FAM47E: variants seen among roughly 807,000 people sequenced by gnomAD.
FAM47E encodes the protein protein FAM47E.
FAM47E carries 32 observed loss-of-function variants against 41.6 expected under a neutral mutation model. The observed-to-expected ratio is 0.77, with a 90% CI of 0.58 to 1.03. The LOEUF (loss-of-function observed/expected upper bound fraction) is 1.03. Ranked by LOEUF, FAM47E falls within the 50% of genes least tolerant of loss-of-function variation. The pLI is 0.00. For missense variants in FAM47E, 424 were observed against 485.4 expected, an observed-to-expected ratio of 0.87 and a Z score of 1.19; for synonymous variants, 184 against 188.7, an observed-to-expected ratio of 0.98 and a Z score of 0.20.
At chr4:76,215,696 C>T (rs1733193689) in intron 1 of FAM47E, among the ~76,000 whole-genome samples, 1 of 152,090 alleles carries the variant, frequency 6.6e-6, no homozygotes, top group African/African-American at 2.4e-5. Context: ...CTTGGAGCCT[C>T]AAGTCACCCC....
intron 1 of FAM47E, among the ~76,000 whole-genome samples, chr4:76,254,901 TC>T (rs1734124834): frequency 6.6e-6 from 1 of 152,166 alleles, no homozygotes; most frequent in Non-Finnish European, 1.5e-5. Context: ...CTCTTCCATC[TC>T]ATCTATATGC....
chr4:76,236,857 C>G (rs1014886343), intron 2 of FAM47E, among the ~76,000 whole-genome samples: 1 of 150,788 alleles, frequency 6.6e-6, no homozygotes, highest in African/African-American at 2.4e-5. Context: ...AGGTAGTAGG[C>G]TTCAGAGAGA....
At chr4:76,267,307 C>G (rs1451573236) in intron 3 of FAM47E, among the ~76,000 whole-genome samples, 1 of 152,154 alleles carries the variant, frequency 6.6e-6, no homozygotes, top group East Asian at 1.9e-4. Context: ...GAGGAAGGCA[C>G]ATGTATGTTG....
At chr4:76,250,508 C>T (rs1310085203), upstream of FAM47E, among the ~76,000 whole-genome samples, 3 of 152,088 alleles carry the variant, frequency 2.0e-5, no homozygotes, top group South Asian at 2.1e-4. Context: ...ACTCTGTGGG[C>T]TGTTTACTCT....
At chr4:76,273,924 A>G (rs1734995941) in intron 5 of FAM47E, among the ~76,000 whole-genome samples, 1 of 151,828 alleles carries the variant, frequency 6.6e-6, no homozygotes, top group Non-Finnish European at 1.5e-5. Flanking sequence ...CTCCTATGTT[A>G]TAATTTTTAT....
intron 2 of FAM47E, among the ~76,000 whole-genome samples, chr4:76,228,148 G>C (rs567528992): frequency 6.6e-6 from 1 of 151,920 alleles, no homozygotes; most frequent in East Asian, 1.9e-4. Flanking sequence ...CTCTAAGGAG[G>C]TTCTATTTTT....
intron 2 of FAM47E, among the ~76,000 whole-genome samples, chr4:76,258,368 C>T (rs201754437): frequency 1.3e-5 from 2 of 152,160 alleles, no homozygotes; most frequent in East Asian, 1.9e-4. Flanking sequence ...TTTGGTCGGC[C>T]TTAGGAGTGA....
intron 2 of FAM47E, among the ~76,000 whole-genome samples, chr4:76,262,507 A>T (rs1308567216): frequency 6.6e-6 from 1 of 152,076 alleles, no homozygotes; most frequent in Non-Finnish European, 1.5e-5. Flanking sequence ...CTAATGCTGG[A>T]GATGTACATT....
At position 76,283,440 on chromosome 4, in the gene FAM47E, A is replaced by G. The variant is rs1735445473; in HGVS notation, c.1164A>G (p.Ile388Met). The G allele has an allele frequency of 2.6e-6, 4 of 1,543,164 alleles. No individual in the cohort carries two copies. In the African/African-American group the frequency reaches 4.1e-5, roughly 16 times the overall value. ...AACGTGCATGTAATAAGACTCCTAT[A>G]AAACGAACTCAAGCATAGAAGAATC... ...ECKRACNKTPIKRTQA is the reference protein window; with the variant it reads ...ECKRACNKTPMKRTQA Residue 388 changes from isoleucine to methionine, a missense_variant, in exon 8 of 8, where the codon ATA (isoleucine) becomes ATG (methionine). Physicochemically the swap from Ile to Met is conservative, Grantham distance 10. Coordinates refer to ENST00000424749, the MANE Select transcript of FAM47E (RefSeq NM_001136570.3).
rs74803443 is a variant in FAM47E, at chr4:76,219,094, G to T, written c.81+1406G>T. Reference sequence around the variant, plus strand: ...CCAGGCTCTTAACCCCTTAGCCACTGCTTGGGACTTCTGGCCTCATGCTTA... The same window carrying T: ...CCAGGCTCTTAACCCCTTAGCCACTTCTTGGGACTTCTGGCCTCATGCTTA... On this transcript the variant is annotated intron_variant, in intron 2 of 7. Coordinates refer to the FAM47E transcript ENST00000510197. 4.8e-3 allele frequency among the ~76,000 whole-genome samples: 731 copies of T among 152,302 alleles called. 5 individuals are homozygous for T. The highest frequency in any genetic ancestry group is 0.016 in the African/African-American group (669 of 41,556).
chr4:76,241,363 G>T (rs138551958), intron 2 of FAM47E, among the ~76,000 whole-genome samples: 218 of 152,272 alleles, frequency 1.4e-3, no homozygotes, highest in Middle Eastern at 6.8e-3. Flanking sequence ...GCCACAATGG[G>T]GGGGAAGGTG....
At chr4:76,234,276 T>C (rs993523340) in intron 2 of FAM47E, 6 of 152,336 alleles carry the variant, frequency 3.9e-5, no homozygotes, top group Non-Finnish European at 7.3e-5. Context: ...GGAGCAACAG[T>C]GAGAGGTTTT....
At chr4:76,230,318 T>C (rs1733471292) in intron 2 of FAM47E, among the ~76,000 whole-genome samples, 2 of 152,102 alleles carry the variant, frequency 1.3e-5, no homozygotes, top group South Asian at 4.1e-4. Flanking sequence ...ACAATAGGCC[T>C]AACTCAACTC....
chr4:76,230,925 C>G (rs1007582863), intron 2 of FAM47E, among the ~76,000 whole-genome samples: 2 of 152,214 alleles, frequency 1.3e-5, no homozygotes, highest in Admixed American at 1.3e-4. Context: ...GAATCAGCCA[C>G]GATCACCTGT....
intron 2 of FAM47E, among the ~76,000 whole-genome samples, chr4:76,222,307 A>G (rs983370694): frequency 6.6e-6 from 1 of 151,710 alleles, no homozygotes; most frequent in African/African-American, 2.4e-5. Context: ...GCTCACTGCA[A>G]CCTTGGCCTT....
chr4:76,266,447 T>G (rs1367682657), intron 3 of FAM47E, among the ~76,000 whole-genome samples: 1 of 152,190 alleles, frequency 6.6e-6, no homozygotes, highest in Non-Finnish European at 1.5e-5. Context: ...GGAACAATAG[T>G]TGCAATCTGC....
rs541587563 is a variant in FAM47E at position 76,268,531 on chromosome 4, TG to T, written c.561-128del. The stretch of plus-strand genomic sequence containing the variant: ...CTCTTTGAAAAATTAAAATACAATT[TG>T]TATGTGAGCTTGCAAGAGACTGTTA... On this transcript the variant is annotated intron_variant, in intron 3 of 7. Coordinates refer to ENST00000424749, the MANE Select transcript of FAM47E (RefSeq NM_001136570.3). 2.4e-4 allele frequency: 212 copies of T among 883,770 alleles called. 2 individuals are homozygous for T. The South Asian group carries it at 3.5e-3, about 15-fold the overall frequency. The allele number at this position is 883,770 out of a possible 1,614,324, so 54.7% of individuals were successfully genotyped here. A position where few individuals can be genotyped will look rare whatever the true frequency, so the allele number is the denominator to read the frequency against.
At chr4:76,246,357 G>A (rs1733826125) in intron 2 of FAM47E, among the ~76,000 whole-genome samples, 1 of 152,046 alleles carries the variant, frequency 6.6e-6, no homozygotes, top group Admixed American at 6.5e-5. Flanking sequence ...TGCTTTACTG[G>A]TTGTTAAATA....
chr4:76,277,812 T>G (rs1245373219), intron 5 of FAM47E, among the ~76,000 whole-genome samples: 1 of 152,186 alleles, frequency 6.6e-6, no homozygotes, highest in Non-Finnish European at 1.5e-5. Context: ...ACCTACTAAG[T>G]TGGGGAAAGC....
Sources: allele counts gnomAD v4.1 joint callset (sites outside exome capture counted in the v4.1 genomes callset), GRCh38; gene constraint gnomAD v4.1.1; transcripts MANE v1.5; gene names NCBI Gene and HGNC (gene_info 2026-07-23, HGNC 2026-07-21).